Variants in NOSTRIN observed in about 807,000 individuals in gnomAD.
NOSTRIN encodes nitric oxide synthase trafficking, also known as BM247 homolog.
NOSTRIN carries 63 observed loss-of-function variants against 59.0 expected under a neutral mutation model. The observed-to-expected ratio is 1.07, with a 90% CI of 0.87 to 1.32. The LOEUF is 1.32. NOSTRIN is among the 40% of genes most tolerant of loss of function. The pLI, the probability that NOSTRIN is intolerant of heterozygous loss-of-function variation, is 0.00. For synonymous variants in NOSTRIN, 200 were observed against 165.4 expected (o/e 1.21, Z -1.61); for missense variants, 512 against 473.1 (o/e 1.08, Z -0.76).
chr2:168,828,492 G>C lies in NOSTRIN; in HGVS notation c.333G>C (p.Lys111Asn), dbSNP rs1013969871. 2 of 870,146 alleles carry C rather than the reference G, an allele frequency of 2.3e-6. No individual in the cohort carries two copies. The highest frequency in any genetic ancestry group is 1.6e-5 in the African/African-American group (1 of 61,246). 53.9% of individuals were successfully genotyped at this position (870,146 alleles called of 1,614,324 possible). The stretch of plus-strand genomic sequence containing the variant: ...AAGTCCTAAATGTACAAGAGAAGAA[G>C]AGAAAATCAGTGAGTCCAAACCTTT... ...TYQVLNVQEK[K>N]RKSLDNEVEK... Residue 111 changes from lysine to asparagine, a missense_variant, in exon 5 of 16, where the codon AAG becomes AAC. Transcript: ENST00000317647.
chr2:168,798,809 C>T (rs77113592), upstream of NOSTRIN, among the ~76,000 whole-genome samples: 1 of 34,456 alleles, frequency 2.9e-5, no homozygotes, highest in Non-Finnish European at 5.9e-5. Context: ...ATCGATCGAT[C>T]GATCGATAGA....
intron 2 of NOSTRIN, among the ~76,000 whole-genome samples, chr2:168,823,952 G>A (rs1686908956): frequency 6.6e-6 from 1 of 152,114 alleles, no homozygotes; most frequent in Admixed American, 6.5e-5. Flanking sequence ...GTACGTGCCT[G>A]TAATCCCAGC....
At chr2:168,814,423 C>A (rs929753722) in intron 2 of NOSTRIN, among the ~76,000 whole-genome samples, 2 of 152,206 alleles carry the variant, frequency 1.3e-5, no homozygotes, top group Non-Finnish European at 2.9e-5. Flanking sequence ...CACCAGCTAT[C>A]TAGAAATGCG....
intron 8 of NOSTRIN, among the ~76,000 whole-genome samples, chr2:168,846,794 A>C (rs909067097): frequency 6.6e-6 from 1 of 152,218 alleles, no homozygotes; most frequent in African/African-American, 2.4e-5. Context: ...TCTAAATCCC[A>C]GAACACAGAA....
At chr2:168,864,407 T>C (rs1220839502) in intron 15 of NOSTRIN, among the ~76,000 whole-genome samples, 2 of 151,994 alleles carry the variant, frequency 1.3e-5, no homozygotes, top group Admixed American at 1.3e-4. Flanking sequence ...TGCCTCAGCC[T>C]CCTGAGTAGC....
upstream of NOSTRIN, among the ~76,000 whole-genome samples, chr2:168,796,367 C>A (rs562243552): frequency 2.6e-5 from 4 of 152,342 alleles, no homozygotes; most frequent in South Asian, 8.3e-4. Flanking sequence ...CAGCTAGCTG[C>A]TCCCACCTGA....
chr2:168,861,882 T>C (rs1002754361), intron 14 of NOSTRIN, 78 bp from the exon 15 acceptor site: 10 of 1,332,380 alleles, frequency 7.5e-6, no homozygotes, highest in Non-Finnish European at 9.6e-6. Flanking sequence ...CATCACACTG[T>C]TAAATAACCA....
intron 5 of NOSTRIN, 72 bp downstream of exon 5, chr2:168,828,573 G>T: frequency 1.6e-6 from 1 of 616,148 alleles, no homozygotes; most frequent in Non-Finnish European, 2.8e-6. Context: ...AAAGGAAAAG[G>T]TGATCTGAAA....
chr2:168,847,085 G>A (rs777955889), intron 8 of NOSTRIN, among the ~76,000 whole-genome samples: 5 of 152,178 alleles, frequency 3.3e-5, no homozygotes, highest in Admixed American at 1.3e-4. Flanking sequence ...GAATAAACAC[G>A]CCTGCACCAT....
intron 15 of NOSTRIN, among the ~76,000 whole-genome samples, chr2:168,863,933 CAG>C (rs1225771098): frequency 6.6e-6 from 1 of 151,210 alleles, no homozygotes. Flanking sequence ...TTTTTTGAGG[CAG>C]AGTCTTGCTC....
At chr2:168,826,934 C>G (rs1687092939) in intron 3 of NOSTRIN, among the ~76,000 whole-genome samples, 1 of 152,208 alleles carries the variant, frequency 6.6e-6, no homozygotes, top group Non-Finnish European at 1.5e-5. Context: ...AATAGAGATT[C>G]ATTTAGTGTT....
At chr2:168,809,896 A>G (rs961592154) in intron 1 of NOSTRIN, among the ~76,000 whole-genome samples, 13 of 152,076 alleles carry the variant, frequency 8.5e-5, no homozygotes, top group African/African-American at 3.1e-4. Context: ...GAGGCTACAA[A>G]TTGGAACCTC....
Position 168,859,565 on chromosome 2 carries a change from G to A in NOSTRIN, c.1107G>A (p.Met369Ile). ...CGAACTCCTACAAACTGTCATCAAT[G>A]TTAGCAGAACTTGAGCAAAGACCTC... The part of the protein sequence containing the change: ...LEANSYKLSS[M>I]LAELEQRPQP... The change falls in exon 13 of 16, where the codon ATG becomes ATA. Residue 369 changes from methionine to isoleucine, a missense_variant. By Grantham distance (10) the Met-to-Ile change is conservative. Transcript: ENST00000317647. 1.9e-6 allele frequency: 3 copies of A among 1,614,108 alleles called. No individual in the cohort carries two copies. The highest frequency in any genetic ancestry group is 2.5e-6 in the Non-Finnish European group (3 of 1,180,012).
chr2:168,815,243 C>T (rs1188068723), intron 2 of NOSTRIN, among the ~76,000 whole-genome samples: 1 of 152,188 alleles, frequency 6.6e-6, no homozygotes, highest in Non-Finnish European at 1.5e-5. Context: ...TCATGCTTAG[C>T]TTCTTTTATC....
At chr2:168,840,708 A>T (rs1430048533) in intron 7 of NOSTRIN, among the ~76,000 whole-genome samples, 1 of 152,136 alleles carries the variant, frequency 6.6e-6, no homozygotes, top group Non-Finnish European at 1.5e-5. Context: ...AATGCCCTTA[A>T]ATAGAGAGAG....
intron 7 of NOSTRIN, among the ~76,000 whole-genome samples, chr2:168,837,505 T>G (rs1687806853): frequency 6.6e-6 from 1 of 151,936 alleles, no homozygotes; most frequent in South Asian, 2.1e-4. Flanking sequence ...GAGATGGGAT[T>G]TCACCGAGTT....
At chr2:168,789,753 A>ATACT (rs1685300187) in intron 2 of NOSTRIN, among the ~76,000 whole-genome samples, 1 of 152,232 alleles carries the variant, frequency 6.6e-6, no homozygotes, top group Admixed American at 6.5e-5. Context: ...AGTTGCTAGT[A>ATACT]ACCTTGGGAA....
At chr2:168,824,240 C>T (rs779311720) in intron 2 of NOSTRIN, among the ~76,000 whole-genome samples, 1 of 152,084 alleles carries the variant, frequency 6.6e-6, no homozygotes, top group African/African-American at 2.4e-5. Flanking sequence ...TTCTTGCATA[C>T]ATGTGTGCAT....
chr2:168,812,521 T>C (rs830031), intron 2 of NOSTRIN, among the ~76,000 whole-genome samples: 106,212 of 152,036 alleles, frequency 0.7, 37,164 homozygotes, highest in South Asian at 0.75. Flanking sequence ...AACTTATTAA[T>C]ACATGCTATA....
Sources: allele counts gnomAD v4.1 joint callset (sites outside exome capture counted in the v4.1 genomes callset), GRCh38; gene constraint gnomAD v4.1.1; transcripts MANE v1.5; gene names NCBI Gene and HGNC (gene_info 2026-07-23, HGNC 2026-07-21).